Variants in NEDD9 observed in about 807,000 individuals in gnomAD.
NEDD9 encodes neural precursor cell expressed, developmentally down-regulated 9.
A neutral mutation model predicts 76.6 loss-of-function variants in NEDD9; 26 were observed. The observed-to-expected ratio is 0.34, with a 90% confidence interval of 0.25 to 0.47. The LOEUF is 0.47. Ranked by LOEUF, NEDD9 falls within the 20% of genes least tolerant of loss-of-function variation. NEDD9 has a pLI of 1.00. For missense variants in NEDD9, 937 were observed against 1,058.5 expected (o/e 0.89, Z 1.59); for synonymous variants, 392 against 414.2 (o/e 0.95, Z 0.65).
chr6:11,248,961 C>T (rs955169561), intron 3 of NEDD9: 7 of 375,442 alleles, frequency 1.9e-5, no homozygotes, highest in Non-Finnish European at 2.7e-5. Flanking sequence ...CCTTCTCCTT[C>T]TCTTCTCTCT....
chr6:11,285,417 T>C (rs1011987463), intron 3 of NEDD9, among the ~76,000 whole-genome samples: 3 of 152,236 alleles, frequency 2.0e-5, no homozygotes, highest in African/African-American at 7.2e-5. Flanking sequence ...CAGTTCTTCC[T>C]AAATTGATTT....
At chr6:11,196,036 G>A (rs532427233) in intron 2 of NEDD9, among the ~76,000 whole-genome samples, 2 of 152,188 alleles carry the variant, frequency 1.3e-5, no homozygotes, top group East Asian at 1.9e-4. Context: ...TGGGCGTGGT[G>A]GCTCACGCTT....
In NEDD9 at chr6:11,184,281, T is replaced by C. The variant is rs1757921748; in HGVS notation, c.*881A>G. The C allele has an allele frequency of 6.6e-6, 1 of 152,210 alleles. No homozygotes were observed. The highest frequency in any genetic ancestry group is 2.1e-4 in the South Asian group (1 of 4,828). The allele number at this position is 152,210 out of a possible 1,614,324, so 9.4% of individuals were successfully genotyped here. On this transcript the variant is annotated 3_prime_UTR_variant, in exon 7 of 7. Transcript: ENST00000379446. Reference sequence around the variant, plus strand: ...GGCGGATCAAACCATTCCCCTATTTTGGTGAACAATCATAGTCTGATACGC... The same window carrying C: ...GGCGGATCAAACCATTCCCCTATTTCGGTGAACAATCATAGTCTGATACGC...
chr6:11,225,118 A>G (rs964903826), intron 1 of NEDD9, among the ~76,000 whole-genome samples: 1 of 152,054 alleles, frequency 6.6e-6, no homozygotes, highest in African/African-American at 2.4e-5. Flanking sequence ...CCCCCCAACC[A>G]CACATACACA....
intron 2 of NEDD9, among the ~76,000 whole-genome samples, chr6:11,329,406 G>A (rs1286220486): frequency 6.6e-6 from 1 of 152,148 alleles, no homozygotes; most frequent in East Asian, 1.9e-4. Flanking sequence ...CCCACAACCT[G>A]TCCCCCAGGA....
At chr6:11,299,199 C>G (rs1760978240) in intron 3 of NEDD9, among the ~76,000 whole-genome samples, 1 of 151,890 alleles carries the variant, frequency 6.6e-6, no homozygotes. Flanking sequence ...CCTGTGCCGG[C>G]TCAGTGGGTC....
rs531017266 is a variant in NEDD9, at chr6:11,355,869, C to T, written c.-213-21308G>A. Among the ~76,000 whole-genome samples the T allele has an allele frequency of 6.4e-3, 970 of 151,414 alleles. 5 individuals carry two copies. Among genetic ancestry groups the T allele is most frequent in the Middle Eastern group, 0.024 (7 of 294 alleles). On this transcript the variant is annotated intron_variant, in intron 1 of 3. Transcript: ENST00000397378. Reference sequence around the variant, plus strand: ...CCCAGTAGCTGGGACTACAGGCACCCGCCACCACGCCCGGCTAATTTTTTG... The same window carrying T: ...CCCAGTAGCTGGGACTACAGGCACCTGCCACCACGCCCGGCTAATTTTTTG...
rs558228609 is a variant in NEDD9, at chr6:11,261,684, C to G, written c.12+44308G>C. On this transcript the variant is annotated intron_variant, in intron 3 of 3. Transcript: ENST00000397378. ...GTATGACTACCTTTATGGGAACAATCAGAGAGATTATATGGATGCGGATCA... is the reference window on the plus strand; with the variant it reads ...GTATGACTACCTTTATGGGAACAATGAGAGAGATTATATGGATGCGGATCA... Among the ~76,000 whole-genome samples, 6 of 152,262 alleles carry G rather than the reference C, an allele frequency of 3.9e-5. No homozygotes were observed. The South Asian group carries it at 1.2e-3, about 32-fold the overall frequency.
chr6:11,351,144 C>T (rs986100839), intron 1 of NEDD9, among the ~76,000 whole-genome samples: 1 of 152,030 alleles, frequency 6.6e-6, no homozygotes, highest in Non-Finnish European at 1.5e-5. Context: ...GAAGAGTTTA[C>T]AGCATGTGCG....
chr6:11,290,941 T>G (rs994859567), intron 3 of NEDD9, among the ~76,000 whole-genome samples: 2 of 152,074 alleles, frequency 1.3e-5, no homozygotes, highest in Non-Finnish European at 2.9e-5. Flanking sequence ...CCAGTGGAAG[T>G]GATGTACTCT....
Position 11,310,006 on chromosome 6 carries a change from G to C in NEDD9, c.-152-3851C>G, listed in dbSNP as rs142283367. ...AGCTGACTGATCCAGGGGATACATC[G>C]ACACGCCACTAGGAGGGCAGCTGGT... is the stretch of plus-strand genomic sequence containing the variant. On this transcript the variant is annotated intron_variant, in intron 2 of 3. Transcript: ENST00000397378. Among the ~76,000 whole-genome samples, 1,474 of 152,034 alleles carry C rather than the reference G, an allele frequency of 9.7e-3. 14 individuals are homozygous for C. The highest frequency in any genetic ancestry group is 0.016 in the Non-Finnish European group (1,094 of 67,874).
chr6:11,225,849 G>T (rs576587011), intron 1 of NEDD9, among the ~76,000 whole-genome samples: 33 of 134,724 alleles, frequency 2.4e-4, no homozygotes, highest in African/African-American at 8.1e-4. Flanking sequence ...ATAGTCCATT[G>T]TGGGGCCCAG....
rs550736267 is a variant in NEDD9, at chr6:11,355,875, C to T, written c.-213-21314G>A. On this transcript the variant is annotated intron_variant, in intron 1 of 3. Transcript: ENST00000397378. ...AGCTGGGACTACAGGCACCCGCCAC[C>T]ACGCCCGGCTAATTTTTTGTATTTT... Among the ~76,000 whole-genome samples the T allele has an allele frequency of 5.7e-3, 863 of 150,576 alleles. 5 individuals are homozygous for T. The highest frequency in any genetic ancestry group is 0.03 in the South Asian group (145 of 4,816).
intron 1 of NEDD9, among the ~76,000 whole-genome samples, chr6:11,380,462 A>G (rs1763042261): frequency 6.6e-6 from 1 of 152,158 alleles, no homozygotes; most frequent in African/African-American, 2.4e-5. Flanking sequence ...TGAGGAGTTC[A>G]TTTCTGGGAA....
intron 1 of NEDD9, among the ~76,000 whole-genome samples, chr6:11,376,645 A>T (rs1339024385): frequency 6.6e-6 from 1 of 152,228 alleles, no homozygotes; most frequent in African/African-American, 2.4e-5. Flanking sequence ...GAAGTGACTT[A>T]ACATTGAAAT....
At position 11,232,634 on chromosome 6, in the gene NEDD9, C is replaced by A. The variant is rs1561800349; in HGVS notation, c.-119G>T. ...GAAAGCGAGAAGGTCCCGGGCAGAG[C>A]CGCTTGTCAGTCGCAGCGCCTCCCT... is the stretch of plus-strand genomic sequence containing the variant. On this transcript the variant is annotated 5_prime_UTR_variant, in exon 1 of 7. Coordinates refer to ENST00000379446, the MANE Select transcript of NEDD9 (RefSeq NM_006403.4). 3.2e-6 allele frequency: 5 copies of A among 1,580,672 alleles called. No homozygotes were observed. The South Asian group carries it at 3.4e-5, about 11-fold the overall frequency.
At position 11,184,685 on chromosome 6, in the gene NEDD9, C is replaced by G. The variant is rs931372308; in HGVS notation, c.*477G>C. On this transcript the variant is annotated 3_prime_UTR_variant, in exon 7 of 7. Transcript: ENST00000379446. ...TCATGATTTGGAAGGTGAACACTTG[C>G]AAATAAACTATGCTTCCCAGATTTG... 1 of 155,540 alleles carries G rather than the reference C, an allele frequency of 6.4e-6. No individual in the cohort carries two copies. Among genetic ancestry groups the G allele is most frequent in the Non-Finnish European group, 1.4e-5 (1 of 69,848 alleles). 9.6% of individuals were successfully genotyped at this position (155,540 alleles called of 1,614,324 possible).
chr6:11,319,541 GAC>G lies in NEDD9; in HGVS notation c.-152-13388_-152-13387del, dbSNP rs373121806. ...ACATGCACACTCACACTAACATGCG[GAC>G]ACACACTAACATGCGGACACACACA... On this transcript the variant is annotated intron_variant, in intron 2 of 3. Transcript: ENST00000397378. Among the ~76,000 whole-genome samples, 427 of 83,548 alleles carry G rather than the reference GAC, an allele frequency of 5.1e-3. 5 individuals carry two copies. Among genetic ancestry groups the G allele is most frequent in the African/African-American group, 0.017 (321 of 18,896 alleles). The allele number at this position is 83,548 out of a possible 152,430, so 54.8% of individuals were successfully genotyped here.
At chr6:11,354,427 G>A (rs1427352636) in intron 1 of NEDD9, among the ~76,000 whole-genome samples, 3 of 152,178 alleles carry the variant, frequency 2.0e-5, no homozygotes, top group Non-Finnish European at 2.9e-5. Context: ...AATGTGGTGC[G>A]TGTCTTCAAA....
Sources: gnomAD v4.1 joint callset for allele counts (sites outside exome capture counted in the v4.1 genomes callset) on GRCh38, gnomAD v4.1.1 for gene constraint, MANE v1.5 for transcripts, NCBI Gene and HGNC (gene_info 2026-07-23, HGNC 2026-07-21) for gene names.